STARD10: variants seen among roughly 807,000 people sequenced by gnomAD.
STARD10 encodes START domain-containing protein 10.
STARD10 carries 24 observed loss-of-function variants against 36.0 expected under a neutral mutation model. The observed-to-expected ratio is 0.67, with a 90% CI of 0.48 to 0.94. STARD10 has a LOEUF of 0.94. Among genes scored for constraint, STARD10 ranks in the 40% least tolerant of loss-of-function variants. The pLI, the probability that STARD10 is intolerant of heterozygous loss-of-function variation, is 0.00. For missense variants in STARD10, 335 were observed against 396.6 expected (o/e 0.84, Z 1.32); for synonymous variants, 156 against 161.9 (o/e 0.96, Z 0.28).
chr11:72,788,412 G>A (rs962986675), intron 1 of STARD10, among the ~76,000 whole-genome samples: 8 of 152,186 alleles, frequency 5.3e-5, no homozygotes, highest in African/African-American at 9.7e-5. Context: ...CCAGGAGCAC[G>A]AGTGACTGAG....
At chr11:72,780,343 G>C in intron 2 of STARD10, 1 of 411,500 alleles carries the variant, frequency 2.4e-6, no homozygotes, top group Non-Finnish European at 5.0e-6. Context: ...CTTGACCCCA[G>C]GCCCCTTCCT....
chr11:72,785,588 G>A (rs189875715), intron 1 of STARD10, among the ~76,000 whole-genome samples: 991 of 67,250 alleles, frequency 0.015, 98 homozygotes, highest in Middle Eastern at 0.019. Flanking sequence ...AAAAAAAAAA[G>A]GGAATAAGAA....
At chr11:72,786,823 T>C (rs1023290148) in intron 1 of STARD10, among the ~76,000 whole-genome samples, 2 of 152,138 alleles carry the variant, frequency 1.3e-5, no homozygotes, top group East Asian at 1.9e-4. Flanking sequence ...ATCACACCTA[T>C]AATTCCAGTG....
At chr11:72,770,105 A>G (rs1452643563) in intron 2 of STARD10, among the ~76,000 whole-genome samples, 1 of 152,220 alleles carries the variant, frequency 6.6e-6, no homozygotes, top group Non-Finnish European at 1.5e-5. Flanking sequence ...GAACCAAGAA[A>G]AAGTTCTACT....
At chr11:72,764,573 C>T (rs969586054) in intron 2 of STARD10, among the ~76,000 whole-genome samples, 8 of 152,354 alleles carry the variant, frequency 5.3e-5, no homozygotes, top group African/African-American at 1.7e-4. Flanking sequence ...TGGCCTGGCT[C>T]GTGCCCTTTC....
chr11:72,791,562 G>T (rs1591275143), intron 1 of STARD10, among the ~76,000 whole-genome samples: 1 of 151,972 alleles, frequency 6.6e-6, no homozygotes, highest in Non-Finnish European at 1.5e-5. Flanking sequence ...AATTAGCCAG[G>T]CATGGTAGTG....
chr11:72,766,103 T>C (rs984258415), intron 2 of STARD10: 3 of 152,222 alleles, frequency 2.0e-5, no homozygotes, highest in Non-Finnish European at 4.4e-5. Flanking sequence ...ACTACTGCAT[T>C]TGACTAGTCT....
chr11:72,761,472 A>G (rs991686043), intron 2 of STARD10, among the ~76,000 whole-genome samples: 50 of 152,284 alleles, frequency 3.3e-4, no homozygotes, highest in African/African-American at 1.2e-3. Context: ...AGGTTACAAA[A>G]TAGGTTGGGC....
chr11:72,768,592 C>T (rs1296387021), intron 2 of STARD10, among the ~76,000 whole-genome samples: 1 of 152,250 alleles, frequency 6.6e-6, no homozygotes, highest in Non-Finnish European at 1.5e-5. Context: ...AATGCTTTCC[C>T]AGGACTTCCT....
At chr11:72,772,188 G>C (rs1252588383) in intron 2 of STARD10, among the ~76,000 whole-genome samples, 4 of 150,868 alleles carry the variant, frequency 2.7e-5, no homozygotes, top group African/African-American at 9.8e-5. Flanking sequence ...GCCATAGGGG[G>C]CATGGTTCTC....
At chr11:72,765,052 G>C (rs1858769627) in intron 2 of STARD10, among the ~76,000 whole-genome samples, 1 of 152,220 alleles carries the variant, frequency 6.6e-6, no homozygotes, top group Non-Finnish European at 1.5e-5. Context: ...CAGATCACCT[G>C]AGGTTGGGAG....
chr11:72,765,266 CAAAAACAAAAA>C (rs765438763), intron 2 of STARD10, among the ~76,000 whole-genome samples: 1 of 151,928 alleles, frequency 6.6e-6, no homozygotes, highest in Non-Finnish European at 1.5e-5. Flanking sequence ...AACTCTGTCT[CAAAAACAAAAA>C]GAAAAGAAAA....
intron 1 of STARD10, chr11:72,783,509 GC>G (rs1018785274): frequency 2.6e-5 from 4 of 152,618 alleles, no homozygotes; most frequent in Admixed American, 1.3e-4. Context: ...GCAGGTCACT[GC>G]CCCTCCCCAG....
chr11:72,787,692 C>G (rs1257238135), intron 1 of STARD10, among the ~76,000 whole-genome samples: 1 of 152,242 alleles, frequency 6.6e-6, no homozygotes, highest in African/African-American at 2.4e-5. Context: ...CCTGATCCAT[C>G]TGCCTGACCC....
At chr11:72,767,708 C>T (rs1858810423) in intron 2 of STARD10, among the ~76,000 whole-genome samples, 1 of 152,216 alleles carries the variant, frequency 6.6e-6, no homozygotes, top group Non-Finnish European at 1.5e-5. Context: ...ACCTGAAGCA[C>T]CTGTCGCCTG....
At chr11:72,775,729 C>T (rs1044070945) in intron 2 of STARD10, among the ~76,000 whole-genome samples, 3 of 152,030 alleles carry the variant, frequency 2.0e-5, no homozygotes, top group Non-Finnish European at 2.9e-5. Flanking sequence ...ATCTGATTGC[C>T]CTCTCCATCC....
chr11:72,777,193 C>A (rs1858938974), intron 2 of STARD10, among the ~76,000 whole-genome samples: 1 of 152,276 alleles, frequency 6.6e-6, no homozygotes, highest in African/African-American at 2.4e-5. Flanking sequence ...ATACGCAGGT[C>A]TCCCCTGCCT....
At chr11:72,779,049 T>A (rs185010116) in intron 2 of STARD10, among the ~76,000 whole-genome samples, 1 of 152,140 alleles carries the variant, frequency 6.6e-6, no homozygotes, top group Non-Finnish European at 1.5e-5. Context: ...GGTTTATTCA[T>A]TAACCAAGCC....
At position 72,757,314 on chromosome 11, in the gene STARD10, G is replaced by A. The variant is rs1858658410; in HGVS notation, c.577+453C>T. Among the ~76,000 whole-genome samples, 5 of 152,248 alleles carry A rather than the reference G, an allele frequency of 3.3e-5. No homozygotes were observed. The South Asian group carries it at 1.0e-3, about 31-fold the overall frequency. On this transcript the variant is annotated intron_variant, in intron 5 of 6. Transcript: ENST00000334805. ...TCCCCACTGGACACAACGAGGCTTA[G>A]GTGCCTGGAAGACATCCGAAGGGAG...
Sources: gnomAD v4.1 joint callset for allele counts (sites outside exome capture counted in the v4.1 genomes callset) on GRCh38, gnomAD v4.1.1 for gene constraint, MANE v1.5 for transcripts, NCBI Gene and HGNC (gene_info 2026-07-23, HGNC 2026-07-21) for gene names.